Variants in SPRED2 observed in about 807,000 individuals in gnomAD.
The protein encoded by SPRED2 is sprouty related EVH1 domain containing 2, also known as sprouty-related, EVH1 domain-containing protein 2.
In SPRED2, 47 loss-of-function variants were observed where a neutral mutation model predicts 43.0. The ratio of observed to expected loss-of-function variants is 1.09; its 90% CI spans 0.87 to 1.40. The LOEUF (loss-of-function observed/expected upper bound fraction) is 1.40. Among genes scored for constraint, SPRED2 ranks in the 40% most tolerant of loss-of-function variants. The probability of loss-of-function intolerance (pLI) is 0.00; values close to 1 mark genes in which losing one functional copy is unlikely to be tolerated. For synonymous variants in SPRED2, 225 were observed against 225.7 expected (o/e 1.00, Z 0.03); for missense variants, 561 against 586.4 (o/e 0.96, Z 0.45).
chr2:65,360,522 C>A (rs550400761), intron 1 of SPRED2, among the ~76,000 whole-genome samples: 1 of 152,226 alleles, frequency 6.6e-6, no homozygotes, highest in Non-Finnish European at 1.5e-5. Flanking sequence ...TATGCTATAA[C>A]ATGGATGAAT....
intron 4 of SPRED2, among the ~76,000 whole-genome samples, chr2:65,324,748 A>G (rs971291993): frequency 3.9e-5 from 6 of 152,082 alleles, no homozygotes; most frequent in African/African-American, 7.2e-5. Flanking sequence ...AGCTGAGGAG[A>G]CAGGTTGCTT....
chr2:65,400,638 C>T (rs1675864626), intron 1 of SPRED2, among the ~76,000 whole-genome samples: 1 of 152,034 alleles, frequency 6.6e-6, no homozygotes, highest in Non-Finnish European at 1.5e-5. Flanking sequence ...GGGGGTTCTT[C>T]CCTTCCTTTC....
chr2:65,416,278 C>CT (rs1169501954), intron 1 of SPRED2, among the ~76,000 whole-genome samples: 1 of 152,218 alleles, frequency 6.6e-6, no homozygotes, highest in East Asian at 1.9e-4. Context: ...CAGATATGCT[C>CT]TTCCTTGGGG....
chr2:65,332,109 C>A, intron 3 of SPRED2, 58 bp from the exon 4 acceptor site: 1 of 1,144,086 alleles, frequency 8.7e-7, no homozygotes, highest in South Asian at 1.5e-5. Flanking sequence ...CAAATCCAAC[C>A]GTTTAAAAAA....
chr2:65,338,118 G>A (rs1572849720), intron 2 of SPRED2, among the ~76,000 whole-genome samples: 1 of 151,854 alleles, frequency 6.6e-6, no homozygotes, highest in Admixed American at 6.6e-5. Flanking sequence ...GGATGAGTAA[G>A]AGATCTATTG....
intron 1 of SPRED2, among the ~76,000 whole-genome samples, chr2:65,389,432 A>C (rs1401278975): frequency 6.6e-6 from 1 of 152,152 alleles, no homozygotes; most frequent in Non-Finnish European, 1.5e-5. Flanking sequence ...CTTTTGAGAA[A>C]CATATAGATT....
chr2:65,370,843 C>T (rs1675107678), intron 1 of SPRED2, among the ~76,000 whole-genome samples: 2 of 152,172 alleles, frequency 1.3e-5, no homozygotes, highest in Admixed American at 1.3e-4. Flanking sequence ...CCAGTGATTC[C>T]AGCTGAAGTG....
intron 3 of SPRED2, chr2:65,332,357 A>T: frequency 4.1e-6 from 1 of 246,546 alleles, no homozygotes. Context: ...GAGGCTGCCC[A>T]CTCCTCTGAG....
At chr2:65,391,769 C>G (rs1675641407) in intron 1 of SPRED2, among the ~76,000 whole-genome samples, 1 of 152,126 alleles carries the variant, frequency 6.6e-6, no homozygotes, top group Non-Finnish European at 1.5e-5. Context: ...AAAGGGTGCA[C>G]TGAATTCTAC....
intron 1 of SPRED2, among the ~76,000 whole-genome samples, chr2:65,374,713 A>G (rs1415399303): frequency 6.6e-6 from 1 of 152,242 alleles, no homozygotes. Flanking sequence ...TCTAACAGAA[A>G]TTTTAAAAAT....
chr2:65,431,148 G>A (rs1572912291), intron 1 of SPRED2, among the ~76,000 whole-genome samples: 2 of 151,866 alleles, frequency 1.3e-5, no homozygotes, highest in Middle Eastern at 3.5e-3. Context: ...AGCGCCCCGA[G>A]CATTGTTCCC....
intron 1 of SPRED2, among the ~76,000 whole-genome samples, chr2:65,413,095 A>G (rs10190233): frequency 0.69 from 104,554 of 152,092 alleles, 36,597 homozygotes; most frequent in African/African-American, 0.8. Flanking sequence ...TCCTTGCCTC[A>G]GAACCAATAA....
At chr2:65,372,471 G>C (rs1245137389) in intron 1 of SPRED2, among the ~76,000 whole-genome samples, 1 of 152,198 alleles carries the variant, frequency 6.6e-6, no homozygotes, top group Non-Finnish European at 1.5e-5. Flanking sequence ...TCAGGGTGCT[G>C]ATTATGTGGC....
intron 1 of SPRED2, among the ~76,000 whole-genome samples, chr2:65,365,127 G>A (rs943740959): frequency 6.6e-6 from 1 of 152,134 alleles, no homozygotes; most frequent in African/African-American, 2.4e-5. Context: ...ATAAAAATAA[G>A]CACTACAGAT....
intron 4 of SPRED2, among the ~76,000 whole-genome samples, chr2:65,321,887 C>T (rs1673423706): frequency 6.6e-6 from 1 of 152,116 alleles, no homozygotes; most frequent in South Asian, 2.1e-4. Flanking sequence ...ATTCTCATGC[C>T]TCAGCCTCCC....
At chr2:65,384,196 T>G (rs1364621772) in intron 1 of SPRED2, among the ~76,000 whole-genome samples, 2 of 152,092 alleles carry the variant, frequency 1.3e-5, no homozygotes, top group African/African-American at 4.8e-5. Context: ...ACTGCAGCTC[T>G]CGGTGTCTAT....
intron 1 of SPRED2, among the ~76,000 whole-genome samples, chr2:65,414,296 G>A (rs1463930367): frequency 6.6e-6 from 1 of 152,178 alleles, no homozygotes; most frequent in Non-Finnish European, 1.5e-5. Context: ...TGCCTTGCTT[G>A]GTTTTTACAC....
intron 1 of SPRED2, among the ~76,000 whole-genome samples, chr2:65,431,288 G>C (rs1267229289): frequency 1.3e-5 from 2 of 151,526 alleles, no homozygotes; most frequent in Non-Finnish European, 2.9e-5. Context: ...GGTCCGCCCC[G>C]AGCCGCCCGA....
chr2:65,319,028 T>C lies in SPRED2; in HGVS notation c.439-2145A>G, dbSNP rs555612055. The stretch of plus-strand genomic sequence containing the variant: ...GGCAAAACAAATAGACTTACAAAAG[T>C]TCTTTTTATCCTCCTCTCATTTATA... On this transcript the variant is annotated intron_variant, in intron 4 of 5. Coordinates refer to ENST00000356388, the MANE Select transcript of SPRED2 (RefSeq NM_181784.3). Among the ~76,000 whole-genome samples, 8 of 152,330 alleles carry C rather than the reference T, an allele frequency of 5.3e-5. No individual in the cohort carries two copies. In the South Asian group the frequency reaches 1.7e-3, roughly 32 times the overall value.
Sources: gnomAD v4.1 joint callset for allele counts (sites outside exome capture counted in the v4.1 genomes callset) on GRCh38, gnomAD v4.1.1 for gene constraint, MANE v1.5 for transcripts, NCBI Gene and HGNC (gene_info 2026-07-23, HGNC 2026-07-21) for gene names.